Variants in SRGAP1 observed in about 807,000 individuals in gnomAD.
The protein encoded by SRGAP1 is SLIT-ROBO Rho GTPase activating protein 1.
A neutral mutation model predicts 121.9 loss-of-function variants in SRGAP1; 43 were observed. That is an observed-to-expected ratio of 0.35 (90% confidence interval 0.28 to 0.46). The LOEUF is 0.46. Ranked by LOEUF, SRGAP1 falls within the 20% of genes least tolerant of loss-of-function variation. The pLI is 1.00. For synonymous variants in SRGAP1, 447 were observed against 485.4 expected, an observed-to-expected ratio of 0.92 and a Z score of 1.04; for missense variants, 1,102 against 1,350.9, an observed-to-expected ratio of 0.82 and a Z score of 2.89.
At position 64,030,835 on chromosome 12, in the gene SRGAP1, G is replaced by A. The variant is rs75847767; in HGVS notation, c.490-11955G>A. 6.8e-4 allele frequency among the ~76,000 whole-genome samples: 104 copies of A among 152,286 alleles called. 1 individual carries two copies. Among genetic ancestry groups the A allele is most frequent in the Middle Eastern group, 3.4e-3 (1 of 294 alleles). ...GTGCTAGACAGACTATAGGGGCATT[G>A]TTCATTTCTAGATATAATTTCTGTT... On this transcript the variant is annotated intron_variant, in intron 4 of 21. Coordinates refer to ENST00000355086, the MANE Select transcript of SRGAP1 (RefSeq NM_020762.4).
Position 64,142,625 on chromosome 12 carries a change from C to A in SRGAP1, c.3211C>A (p.Pro1071Thr), listed in dbSNP as rs376584950. 1.2e-6 allele frequency: 2 copies of A among 1,614,188 alleles called. No individual in the cohort carries two copies. Among genetic ancestry groups the A allele is most frequent in the Admixed American group, 3.3e-5 (2 of 60,026 alleles). Reference sequence around the variant, plus strand: ...TCCAAAAACAAATCCTACCATAGGACCTGCCCCACCTCCCCAGGGTCCAAC... The same window carrying A: ...TCCAAAAACAAATCCTACCATAGGAACTGCCCCACCTCCCCAGGGTCCAAC... ...VLPKTNPTIGPAPPPQGPTDK... is the reference protein window; with the variant it reads ...VLPKTNPTIGTAPPPQGPTDK... Residue 1071 changes from proline (P) to threonine (T), a missense_variant, in exon 22 of 22, where the codon CCT becomes ACT. Physicochemically the swap from Pro to Thr is conservative, Grantham distance 38 (BLOSUM62 -1). This residue lies in a region of SRGAP1 where 315 missense variants were observed against 343.1 expected (regional missense o/e 0.92). Transcript: ENST00000355086.
chr12:63,936,161 G>A (rs1280912044), intron 1 of SRGAP1, among the ~76,000 whole-genome samples: 1 of 152,170 alleles, frequency 6.6e-6, no homozygotes, highest in African/African-American at 2.4e-5. Flanking sequence ...CGTACCAAAT[G>A]AGAAGTAAGT....
At chr12:63,869,655 G>T (rs1431509157) in intron 1 of SRGAP1, among the ~76,000 whole-genome samples, 3 of 152,104 alleles carry the variant, frequency 2.0e-5, no homozygotes, top group African/African-American at 7.2e-5. Context: ...TAATTTGATT[G>T]TCTCCTTAAT....
At chr12:63,935,368 A>G (rs74099386) in intron 1 of SRGAP1, among the ~76,000 whole-genome samples, 9,853 of 152,246 alleles carry the variant, frequency 0.065, 1,040 homozygotes, top group African/African-American at 0.22. Flanking sequence ...TATTTTTTTC[A>G]AATAACCACT....
Position 63,844,713 on chromosome 12 carries a change from G to C in SRGAP1, c.-104G>C. On this transcript the variant is annotated 5_prime_UTR_variant, in exon 1 of 22. Coordinates refer to ENST00000355086, the MANE Select transcript of SRGAP1 (RefSeq NM_020762.4). The surrounding 1 kb of genome is among the most constrained non-coding windows in gnomAD (Gnocchi z 4.3). ...CTTCCCTCGGGTCGGCGCTGCCTCT[G>C]GATTGCCTGCGTGTGGGAGTACAAC... 1.8e-6 allele frequency: 2 copies of C among 1,124,880 alleles called. No individual in the cohort carries two copies. The highest frequency in any genetic ancestry group is 2.7e-6 in the Non-Finnish European group (2 of 733,742). The allele number at this position is 1,124,880 out of a possible 1,614,324, so 69.7% of individuals were successfully genotyped here. A position where few individuals can be genotyped will look rare whatever the true frequency, so the allele number is the denominator to read the frequency against.
At chr12:63,964,679 T>C (rs2032737596) in intron 1 of SRGAP1, among the ~76,000 whole-genome samples, 1 of 152,172 alleles carries the variant, frequency 6.6e-6, no homozygotes, top group South Asian at 2.1e-4. Flanking sequence ...AGTGGTTACT[T>C]GTGGATGGCT....
At chr12:63,990,795 T>A (rs1012060989) in intron 3 of SRGAP1, among the ~76,000 whole-genome samples, 19 of 152,160 alleles carry the variant, frequency 1.2e-4, no homozygotes, top group African/African-American at 4.1e-4. Flanking sequence ...GAGAAACTTG[T>A]GAAGAACAAG....
intron 1 of SRGAP1, among the ~76,000 whole-genome samples, chr12:63,912,655 CTGTT>C (rs1307632514): frequency 1.3e-5 from 2 of 152,004 alleles, no homozygotes; most frequent in Non-Finnish European, 2.9e-5. Flanking sequence ...AGAGTACACA[CTGTT>C]TGTTGCTCTG....
At chr12:63,850,490 G>A (rs948087492) in intron 1 of SRGAP1, among the ~76,000 whole-genome samples, 1 of 151,368 alleles carries the variant, frequency 6.6e-6, no homozygotes. Context: ...GCAGTGCAGT[G>A]GGTGAACAAG....
At chr12:63,864,985 C>A (rs947179981) in intron 1 of SRGAP1, among the ~76,000 whole-genome samples, 2 of 152,014 alleles carry the variant, frequency 1.3e-5, no homozygotes, top group Admixed American at 6.6e-5. Context: ...GAAGTTCTCC[C>A]CTTTCCAAAG....
chr12:64,115,180 A>C (rs1446265416), intron 17 of SRGAP1, among the ~76,000 whole-genome samples: 1 of 151,546 alleles, frequency 6.6e-6, no homozygotes, highest in East Asian at 1.9e-4. Context: ...ATTTGTAAAA[A>C]ACTGGTCTAT....
chr12:64,065,546 G>A (rs1415594609), intron 8 of SRGAP1, among the ~76,000 whole-genome samples: 1 of 152,136 alleles, frequency 6.6e-6, no homozygotes, highest in Non-Finnish European at 1.5e-5. Context: ...CTTTTGTACA[G>A]TGGAACTTTT....
intron 3 of SRGAP1, among the ~76,000 whole-genome samples, chr12:64,002,536 A>C (rs2033933829): frequency 6.6e-6 from 1 of 152,198 alleles, no homozygotes; most frequent in Non-Finnish European, 1.5e-5. Context: ...GAAGGGGTAA[A>C]GGTTGAGAAA....
intron 1 of SRGAP1, among the ~76,000 whole-genome samples, chr12:63,907,138 G>A (rs2030251700): frequency 6.6e-6 from 1 of 152,092 alleles, no homozygotes; most frequent in South Asian, 2.1e-4. Context: ...TTGTGGTTTT[G>A]ATTTGCACTT....
At chr12:64,132,961 A>C (rs552395299) in intron 21 of SRGAP1, among the ~76,000 whole-genome samples, 1 of 152,254 alleles carries the variant, frequency 6.6e-6, no homozygotes, top group African/African-American at 2.4e-5. Flanking sequence ...TCCAATCCAC[A>C]TACCAGGAGA....
At chr12:63,862,903 A>G (rs1899502536) in intron 1 of SRGAP1, among the ~76,000 whole-genome samples, 1 of 152,198 alleles carries the variant, frequency 6.6e-6, no homozygotes, top group Non-Finnish European at 1.5e-5. Flanking sequence ...GAGAGATTTG[A>G]TCATTGCTGC....
At chr12:64,007,465 C>T (rs1401238190) in intron 3 of SRGAP1, among the ~76,000 whole-genome samples, 1 of 152,126 alleles carries the variant, frequency 6.6e-6, no homozygotes, top group Admixed American at 6.5e-5. Context: ...AATGGTGGCT[C>T]ACCCACCGCT....
rs147409555 is a variant in SRGAP1, at chr12:63,896,170, G to A, written c.67+51287G>A. ...AAAAGGACATATGCCATAGAGTTTT[G>A]TGGGGGTTAAATGATCTATTATCCA... On this transcript the variant is annotated intron_variant, in intron 1 of 21. Transcript: ENST00000355086. Among the ~76,000 whole-genome samples the A allele has an allele frequency of 7.7e-3, 1,168 of 152,244 alleles. 12 individuals carry two copies. Among genetic ancestry groups the A allele is most frequent in the African/African-American group, 0.027 (1,107 of 41,536 alleles).
intron 1 of SRGAP1, among the ~76,000 whole-genome samples, chr12:63,916,528 T>C (rs2030787654): frequency 1.3e-5 from 2 of 152,178 alleles, no homozygotes; most frequent in Admixed American, 6.5e-5. Context: ...ATGTCATCCG[T>C]GGTCTTGAGA....
Sources: allele counts gnomAD v4.1 joint callset (sites outside exome capture counted in the v4.1 genomes callset), GRCh38; gene constraint gnomAD v4.1.1; regional missense constraint gnomAD v4.1.1; non-coding constraint Gnocchi (gnomAD v3.1); transcripts MANE v1.5; gene names NCBI Gene and HGNC (gene_info 2026-07-23, HGNC 2026-07-21).